LSAMP: variants seen among roughly 807,000 people sequenced by gnomAD.
The protein encoded by LSAMP is limbic system associated membrane protein.
In LSAMP, 7 loss-of-function variants were observed where a neutral mutation model predicts 38.6. The observed-to-expected ratio is 0.18, with a 90% confidence interval of 0.10 to 0.34. LSAMP has a LOEUF of 0.34. Among genes scored for constraint, LSAMP ranks in the 10% least tolerant of loss-of-function variants. LSAMP has a pLI of 1.00. For synonymous variants in LSAMP, 154 were observed against 166.8 expected, an observed-to-expected ratio of 0.92 and a Z score of 0.59; for missense variants, 313 against 420.0, an observed-to-expected ratio of 0.75 and a Z score of 2.23.
chr3:116,434,084 G>A (rs1034254404), intron 1 of LSAMP, among the ~76,000 whole-genome samples: 1 of 152,138 alleles, frequency 6.6e-6, no homozygotes, highest in African/African-American at 2.4e-5. Flanking sequence ...CCAATAATCA[G>A]AGAATTATCT....
intron 1 of LSAMP, among the ~76,000 whole-genome samples, chr3:116,221,662 T>C (rs913483489): frequency 1.3e-5 from 2 of 152,200 alleles, no homozygotes; most frequent in Non-Finnish European, 2.9e-5. Flanking sequence ...ACACATACCA[T>C]TGATATATGC....
intron 1 of LSAMP, among the ~76,000 whole-genome samples, chr3:116,112,137 G>A (rs1308289467): frequency 6.6e-6 from 1 of 152,142 alleles, no homozygotes; most frequent in African/African-American, 2.4e-5. Flanking sequence ...ATTTTAACCT[G>A]GAATGCTAAA....
intron 2 of LSAMP, among the ~76,000 whole-genome samples, chr3:116,049,398 T>C (rs1029609706): frequency 2.6e-5 from 4 of 152,192 alleles, no homozygotes; most frequent in African/African-American, 9.7e-5. Flanking sequence ...AGTTGGGAAA[T>C]AAACTATTTG....
chr3:116,387,937 C>T (rs1391983184), intron 1 of LSAMP, among the ~76,000 whole-genome samples: 3 of 150,838 alleles, frequency 2.0e-5, no homozygotes, highest in Non-Finnish European at 4.4e-5. Context: ...ACTAAAAATA[C>T]AAAAAAGAAA....
chr3:115,980,456 T>C (rs1939324969), intron 3 of LSAMP, among the ~76,000 whole-genome samples: 1 of 152,188 alleles, frequency 6.6e-6, no homozygotes, highest in Admixed American at 6.6e-5. Context: ...GTTTTTGGTT[T>C]CTATTTGTTA....
chr3:116,272,198 T>G (rs942607745), intron 1 of LSAMP, among the ~76,000 whole-genome samples: 1 of 152,098 alleles, frequency 6.6e-6, no homozygotes, highest in African/African-American at 2.4e-5. Flanking sequence ...TATGTGCGAA[T>G]AACACTTCTG....
At chr3:115,887,403 A>G (rs1936483305) in intron 3 of LSAMP, among the ~76,000 whole-genome samples, 2 of 151,990 alleles carry the variant, frequency 1.3e-5, no homozygotes, top group African/African-American at 4.8e-5. Context: ...TAGCAATAAC[A>G]AAGTTCTGCA....
chr3:116,441,586 T>C (rs1451908871), intron 1 of LSAMP, among the ~76,000 whole-genome samples: 2 of 152,188 alleles, frequency 1.3e-5, no homozygotes, highest in East Asian at 1.9e-4. Flanking sequence ...TATTAATACA[T>C]AGTCTCAACC....
chr3:116,199,800 G>T (rs1001355100), intron 1 of LSAMP, among the ~76,000 whole-genome samples: 1 of 152,092 alleles, frequency 6.6e-6, no homozygotes, highest in Admixed American at 6.5e-5. Flanking sequence ...GTCAGAATTA[G>T]GTTCATTGAT....
At chr3:116,191,213 A>T (rs1406495594) in intron 1 of LSAMP, among the ~76,000 whole-genome samples, 2 of 152,140 alleles carry the variant, frequency 1.3e-5, no homozygotes, top group East Asian at 1.9e-4. Context: ...ATAGTGCAAG[A>T]CTCTGTCTCA....
chr3:115,965,979 T>G (rs996021734), intron 3 of LSAMP, among the ~76,000 whole-genome samples: 12 of 152,210 alleles, frequency 7.9e-5, no homozygotes, highest in Non-Finnish European at 1.6e-4. Context: ...TATTGGTCTT[T>G]CTCTTCTTTC....
At chr3:116,296,171 T>C (rs552968603) in intron 1 of LSAMP, among the ~76,000 whole-genome samples, 8 of 152,252 alleles carry the variant, frequency 5.3e-5, no homozygotes, top group African/African-American at 1.4e-4. Flanking sequence ...CTTTGAAACT[T>C]TGAGTGTAAA....
At chr3:115,856,446 C>T (rs1031545573) in intron 3 of LSAMP, among the ~76,000 whole-genome samples, 11 of 151,986 alleles carry the variant, frequency 7.2e-5, no homozygotes, top group South Asian at 2.1e-4. Context: ...GGTGAAACCC[C>T]GTTTCTACTA....
chr3:116,143,863 A>T (rs1002091150), intron 1 of LSAMP, among the ~76,000 whole-genome samples: 1 of 152,088 alleles, frequency 6.6e-6, no homozygotes, highest in South Asian at 2.1e-4. Flanking sequence ...ATAACTAAAT[A>T]CTAGGCTGAT....
chr3:116,349,289 G>A (rs2048105642), intron 1 of LSAMP, among the ~76,000 whole-genome samples: 2 of 151,828 alleles, frequency 1.3e-5, no homozygotes, highest in African/African-American at 4.8e-5. Flanking sequence ...ATCAATATTA[G>A]AATAATTAAG....
chr3:116,220,748 C>T (rs369769315), intron 1 of LSAMP, among the ~76,000 whole-genome samples: 17 of 152,184 alleles, frequency 1.1e-4, no homozygotes, highest in African/African-American at 3.1e-4. Flanking sequence ...TAATCAAGCA[C>T]GGTGGATAGG....
rs751386795 is a variant in LSAMP, at chr3:115,841,980, T to C, written c.784A>G (p.Asn262Asp). Residue 262 changes from asparagine to aspartate, a missense_variant, in exon 6 of 7, where the codon AAT becomes GAT. Asn to Asp is a conservative substitution (Grantham distance 23, BLOSUM62 1). Transcript: ENST00000490035. ...YRDDTRINSA[N>D]GLEIKSTEGQ... is the part of the protein sequence containing the mutation. ...TCCGTGCTCTTAATCTCAAGGCCAT[T>C]GGCACTATTTATCCTAAGAGTTCAA... is the stretch of plus-strand genomic sequence containing the variant. 1.4e-5 allele frequency: 23 copies of C among 1,612,246 alleles called. No individual in the cohort carries two copies. The highest frequency in any genetic ancestry group is 1.9e-5 in the Non-Finnish European group (23 of 1,179,716).
intron 1 of LSAMP, among the ~76,000 whole-genome samples, chr3:116,250,747 C>A (rs1425832226): frequency 6.6e-6 from 1 of 151,724 alleles, no homozygotes; most frequent in Non-Finnish European, 1.5e-5. Context: ...GCATGCACCT[C>A]TAGTCCCAGT....
At chr3:116,051,772 G>A (rs973314979) in intron 2 of LSAMP, among the ~76,000 whole-genome samples, 2 of 152,012 alleles carry the variant, frequency 1.3e-5, no homozygotes, top group Admixed American at 6.6e-5. Flanking sequence ...GGCCTCTCTT[G>A]TCATGGCTAC....
Sources: gnomAD v4.1 joint callset for allele counts (sites outside exome capture counted in the v4.1 genomes callset) on GRCh38, gnomAD v4.1.1 for gene constraint, MANE v1.5 for transcripts, NCBI Gene and HGNC (gene_info 2026-07-23, HGNC 2026-07-21) for gene names.